SUGCT: variants seen among roughly 807,000 people sequenced by gnomAD.
SUGCT encodes succinyl-CoA:glutarate-CoA transferase.
SUGCT carries 41 observed loss-of-function variants against 55.0 expected under a neutral mutation model. That is an observed-to-expected ratio of 0.74 (90% CI 0.58 to 0.97). SUGCT has a LOEUF of 0.97. Ranked by LOEUF, SUGCT falls within the 50% of genes least tolerant of loss-of-function variation. The probability of loss-of-function intolerance (pLI) is 0.00; values close to 1 mark genes in which losing one functional copy is unlikely to be tolerated. For missense variants in SUGCT, 568 were observed against 547.8 expected (o/e 1.04, Z -0.37); for synonymous variants, 187 against 200.4 (o/e 0.93, Z 0.56).
intron 1 of SUGCT, among the ~76,000 whole-genome samples, chr7:40,162,543 CAT>C (rs1285227882): frequency 1.3e-5 from 2 of 152,220 alleles, no homozygotes; most frequent in Non-Finnish European, 2.9e-5. Context: ...GTGATGCCAT[CAT>C]AGCTCATTGC....
At chr7:40,868,739 G>A in the SUGCT span, among the ~76,000 whole-genome samples, 196 of 152,194 alleles carry the variant, frequency 1.3e-3, no homozygotes, top group African/African-American at 4.5e-3. Context: ...AGAGGTGGGG[G>A]TCTCACTATG....
chr7:40,835,417 C>T (rs1297577139), intron 13 of SUGCT, among the ~76,000 whole-genome samples: 1 of 152,214 alleles, frequency 6.6e-6, no homozygotes, highest in East Asian at 1.9e-4. Flanking sequence ...CAAATTTCTT[C>T]TTACCTATGA....
intron 9 of SUGCT, among the ~76,000 whole-genome samples, chr7:40,360,162 C>T (rs943064470): frequency 3.9e-5 from 6 of 152,034 alleles, no homozygotes; most frequent in African/African-American, 9.7e-5. Context: ...TACAGGCACC[C>T]GCCACCACAC....
rs763319324 is a variant in SUGCT at position 40,316,723 on chromosome 7, C to T, written c.721-37C>T. 3.9e-6 allele frequency: 5 copies of T among 1,282,466 alleles called. No individual in the cohort carries two copies. The East Asian group carries it at 1.2e-4, about 32-fold the overall frequency. The allele number at this position is 1,282,466 out of a possible 1,614,324, so 79.4% of individuals were successfully genotyped here. A position where few individuals can be genotyped will look rare whatever the true frequency, so the allele number is the denominator to read the frequency against. On this transcript the variant is annotated intron_variant, in intron 8 of 13. Transcript: ENST00000335693. ...CTCTTTATGAGTATAGATAAACTAG[C>T]TGTTCTATTTTATTTATTTACTTTT...
In SUGCT at chr7:40,370,765, A is replaced by G. The variant is rs532044756; in HGVS notation, c.816+53910A>G. On this transcript the variant is annotated intron_variant, in intron 9 of 13. Transcript: ENST00000335693. Reference sequence around the variant, plus strand: ...TTTTCAGGGCTTTCTAAATATTTCTATAATTTTTACATATTACTTCTTAGT... The same window carrying G: ...TTTTCAGGGCTTTCTAAATATTTCTGTAATTTTTACATATTACTTCTTAGT... Among the ~76,000 whole-genome samples, 9 of 151,998 alleles carry G rather than the reference A, an allele frequency of 5.9e-5. No homozygotes were observed. The South Asian group carries it at 1.9e-3, about 31-fold the overall frequency.
At chr7:40,333,700 T>TATATATATATATAA (rs1178720899) in intron 9 of SUGCT, among the ~76,000 whole-genome samples, 2 of 117,086 alleles carry the variant, frequency 1.7e-5, no homozygotes, top group Non-Finnish European at 3.4e-5. Flanking sequence ...TATATATATA[T>TATATATATATATAA]ATAAATATTT....
the SUGCT span, among the ~76,000 whole-genome samples, chr7:40,933,464 A>G: frequency 6.6e-6 from 1 of 152,126 alleles, no homozygotes; most frequent in Non-Finnish European, 1.5e-5. Flanking sequence ...TATTTCCTGA[A>G]TTTGAATGTT....
chr7:40,333,693 A>C (rs1296783195), intron 9 of SUGCT, among the ~76,000 whole-genome samples: 2 of 130,780 alleles, frequency 1.5e-5, no homozygotes, highest in Non-Finnish European at 3.2e-5. Flanking sequence ...ATATATATAT[A>C]TATATATATA....
At chr7:40,517,802 G>A (rs2151567457) in intron 12 of SUGCT, among the ~76,000 whole-genome samples, 1 of 152,112 alleles carries the variant, frequency 6.6e-6, no homozygotes, top group Admixed American at 6.6e-5. Context: ...GGTCCATGAA[G>A]GTCCTCATGC....
chr7:40,316,282 T>C (rs1328208682), intron 8 of SUGCT, among the ~76,000 whole-genome samples: 2 of 152,200 alleles, frequency 1.3e-5, no homozygotes, highest in Non-Finnish European at 2.9e-5. Flanking sequence ...GGTTTATTAT[T>C]ATTACTTTTC....
chr7:40,210,108 T>G (rs964989386), intron 6 of SUGCT, among the ~76,000 whole-genome samples: 4 of 152,044 alleles, frequency 2.6e-5, no homozygotes, highest in African/African-American at 9.7e-5. Flanking sequence ...GACAGAGTCT[T>G]GCTCTGTCAC....
chr7:40,692,571 T>C (rs1447059485), intron 12 of SUGCT, among the ~76,000 whole-genome samples: 3 of 152,122 alleles, frequency 2.0e-5, no homozygotes, highest in African/African-American at 7.2e-5. Context: ...ATTAGAGCTG[T>C]AAAATTTAAT....
chr7:40,353,739 G>T (rs560309937), intron 9 of SUGCT, among the ~76,000 whole-genome samples: 1 of 152,136 alleles, frequency 6.6e-6, no homozygotes, highest in Non-Finnish European at 1.5e-5. Flanking sequence ...CTTAAGTACC[G>T]AAAATATGAC....
At chr7:40,678,125 A>C (rs1438153528) in intron 12 of SUGCT, among the ~76,000 whole-genome samples, 1 of 152,218 alleles carries the variant, frequency 6.6e-6, no homozygotes, top group Non-Finnish European at 1.5e-5. Flanking sequence ...GAGGTCAGAC[A>C]TCCTTACTTC....
At chr7:40,964,239 A>C in the SUGCT span, among the ~76,000 whole-genome samples, 1 of 152,228 alleles carries the variant, frequency 6.6e-6, no homozygotes, top group African/African-American at 2.4e-5. Context: ...TTGATTGGAA[A>C]GGTCTTCCTG....
chr7:40,882,896 A>G, the SUGCT span, among the ~76,000 whole-genome samples: 1 of 152,178 alleles, frequency 6.6e-6, no homozygotes, highest in Non-Finnish European at 1.5e-5. Flanking sequence ...TATTGTTTGG[A>G]AGCTCAAAAA....
the SUGCT span, among the ~76,000 whole-genome samples, chr7:40,954,035 G>T: frequency 5.3e-5 from 8 of 152,340 alleles, no homozygotes; most frequent in South Asian, 4.1e-4. Flanking sequence ...GTTCAGCTAT[G>T]CCCTGTGCCT....
the SUGCT span, among the ~76,000 whole-genome samples, chr7:40,916,003 G>C: frequency 3.7e-5 from 4 of 106,730 alleles, no homozygotes; most frequent in African/African-American, 2.0e-4. Flanking sequence ...TCTTTCTGGA[G>C]ACTGAGTGAG....
chr7:40,878,247 A>G, the SUGCT span, among the ~76,000 whole-genome samples: 36 of 151,936 alleles, frequency 2.4e-4, 1 homozygote, highest in African/African-American at 7.5e-4. Context: ...TAATTGAAAG[A>G]TTTTCTTTTT....
Sources: allele counts gnomAD v4.1 joint callset (sites outside exome capture counted in the v4.1 genomes callset), GRCh38; gene constraint gnomAD v4.1.1; transcripts MANE v1.5; gene names NCBI Gene and HGNC (gene_info 2026-07-23, HGNC 2026-07-21).